PTPRD: variants seen among roughly 807,000 people sequenced by gnomAD.
The protein encoded by PTPRD is receptor-type tyrosine-protein phosphatase delta.
Under a neutral mutation model 214.5 loss-of-function variants are expected in PTPRD, and 34 were observed. The ratio of observed to expected loss-of-function variants is 0.16; its 90% CI spans 0.12 to 0.21. PTPRD has a LOEUF of 0.21. Ranked by LOEUF, PTPRD falls within the 10% of genes least tolerant of loss-of-function variation. The pLI, the probability that PTPRD is intolerant of heterozygous loss-of-function variation, is 1.00. For synonymous variants in PTPRD, 1,128 were observed against 845.7 expected (o/e 1.33, Z -5.79); for missense variants, 2,545 against 2,398.7 (o/e 1.06, Z -1.27).
At chr9:8,621,794 G>A (rs932565715) in intron 14 of PTPRD, among the ~76,000 whole-genome samples, 1 of 151,794 alleles carries the variant, frequency 6.6e-6, no homozygotes, top group Admixed American at 6.6e-5. Context: ...AAGTTATAAT[G>A]ACATGCATAA....
rs184838724 is a variant in PTPRD, at chr9:8,622,484, T to C, written c.352+10833A>G. ...AATTACTGTGAGAGCACTTTTCTTCTAAAAATAGACTTTATTATCTCCAAC... is the reference window on the plus strand; with the variant it reads ...AATTACTGTGAGAGCACTTTTCTTCCAAAAATAGACTTTATTATCTCCAAC... On this transcript the variant is annotated intron_variant, in intron 14 of 45. Coordinates refer to ENST00000381196, the MANE Select transcript of PTPRD (RefSeq NM_002839.4). Among the ~76,000 whole-genome samples the C allele has an allele frequency of 4.6e-5, 7 of 152,110 alleles. No homozygotes were observed. In the East Asian group the frequency reaches 9.7e-4, roughly 21 times the overall value.
chr9:9,692,593 T>C (rs1386072722), intron 7 of PTPRD, among the ~76,000 whole-genome samples: 1 of 151,988 alleles, frequency 6.6e-6, no homozygotes, highest in Non-Finnish European at 1.5e-5. Flanking sequence ...TTGCTCAGCA[T>C]AGCTTGGCTA....
intron 5 of PTPRD, among the ~76,000 whole-genome samples, chr9:9,864,467 G>C (rs965330100): frequency 7.2e-5 from 11 of 152,142 alleles, no homozygotes; most frequent in African/African-American, 2.7e-4. Context: ...CAGAAATACA[G>C]AAAACACTAA....
chr9:9,458,704 G>T (rs1418041604), intron 8 of PTPRD, among the ~76,000 whole-genome samples: 1 of 152,066 alleles, frequency 6.6e-6, no homozygotes, highest in African/African-American at 2.4e-5. Context: ...ACTTTGGGAG[G>T]TCAAGGTAGG....
chr9:9,598,342 T>A (rs771726804), intron 7 of PTPRD, among the ~76,000 whole-genome samples: 1 of 151,880 alleles, frequency 6.6e-6, no homozygotes, highest in Non-Finnish European at 1.5e-5. Flanking sequence ...GGATGTCGAG[T>A]AGGAGAGGGC....
At chr9:10,160,478 C>A (rs1396032468) in intron 3 of PTPRD, among the ~76,000 whole-genome samples, 2 of 151,770 alleles carry the variant, frequency 1.3e-5, no homozygotes, top group African/African-American at 4.8e-5. Context: ...GAACAAAAAC[C>A]ATATGGTTAT....
At chr9:10,418,058 A>T (rs1441301732) in intron 2 of PTPRD, among the ~76,000 whole-genome samples, 1 of 151,900 alleles carries the variant, frequency 6.6e-6, no homozygotes, top group Non-Finnish European at 1.5e-5. Context: ...AAGACAAACG[A>T]TTAAGTAATT....
At chr9:9,910,393 T>A (rs1203613960) in intron 5 of PTPRD, among the ~76,000 whole-genome samples, 1 of 151,994 alleles carries the variant, frequency 6.6e-6, no homozygotes, top group African/African-American at 2.4e-5. Flanking sequence ...AACATCTGTA[T>A]ACGAGTATGC....
chr9:8,826,783 A>G (rs10119815), intron 11 of PTPRD, among the ~76,000 whole-genome samples: 86,383 of 151,188 alleles, frequency 0.57, 25,514 homozygotes, highest in African/African-American at 0.73. Context: ...ATGATGCCTG[A>G]CAAACAGAAG....
intron 5 of PTPRD, among the ~76,000 whole-genome samples, chr9:9,844,276 C>T (rs1256273590): frequency 6.6e-6 from 1 of 151,902 alleles, no homozygotes; most frequent in Non-Finnish European, 1.5e-5. Context: ...CAAACACATC[C>T]ATCATCACCC....
chr9:8,583,981 A>G (rs2093416396), intron 14 of PTPRD, among the ~76,000 whole-genome samples: 1 of 152,044 alleles, frequency 6.6e-6, no homozygotes, highest in African/African-American at 2.4e-5. Flanking sequence ...ACAAAACCCC[A>G]TCTCTACAAA....
intron 8 of PTPRD, among the ~76,000 whole-genome samples, chr9:9,562,407 A>G (rs955117261): frequency 1.3e-5 from 2 of 152,168 alleles, no homozygotes; most frequent in Admixed American, 6.5e-5. Flanking sequence ...CTTTAAGACC[A>G]TACCCTATTT....
At chr9:9,253,444 A>T (rs2099976295) in intron 9 of PTPRD, among the ~76,000 whole-genome samples, 1 of 152,064 alleles carries the variant, frequency 6.6e-6, no homozygotes. Context: ...TACTAACAAA[A>T]GTTGGCATAT....
chr9:9,798,170 G>C (rs550233268), intron 5 of PTPRD, among the ~76,000 whole-genome samples: 1 of 151,920 alleles, frequency 6.6e-6, no homozygotes, highest in African/African-American at 2.4e-5. Flanking sequence ...TAAATACTAT[G>C]TTATTTTCTT....
intron 4 of PTPRD, among the ~76,000 whole-genome samples, chr9:9,975,958 G>C (rs1232298887): frequency 6.6e-6 from 1 of 152,166 alleles, no homozygotes; most frequent in Non-Finnish European, 1.5e-5. Flanking sequence ...AACTAGACCT[G>C]AAAAGCAGTA....
intron 39 of PTPRD, 100 bp from the exon 40 acceptor site, chr9:8,342,078 C>T (rs939587678): frequency 1.6e-5 from 20 of 1,213,980 alleles, no homozygotes; most frequent in Middle Eastern, 2.8e-4. Context: ...ACCTTACATC[C>T]ATTACTTCTA....
chr9:10,127,206 G>A (rs997830911), intron 3 of PTPRD, among the ~76,000 whole-genome samples: 1 of 152,120 alleles, frequency 6.6e-6, no homozygotes, highest in Non-Finnish European at 1.5e-5. Context: ...TCAGGTAGTA[G>A]TGGGACCACT....
intron 7 of PTPRD, among the ~76,000 whole-genome samples, chr9:9,731,085 A>G (rs946299319): frequency 2.0e-5 from 3 of 152,182 alleles, no homozygotes; most frequent in African/African-American, 7.2e-5. Flanking sequence ...AAATGCTGCA[A>G]TAAGATTTTC....
chr9:10,117,613 T>A (rs1232226138), intron 3 of PTPRD, among the ~76,000 whole-genome samples: 1 of 8,728 alleles, frequency 1.1e-4, no homozygotes, highest in Non-Finnish European at 2.7e-4. Context: ...AATCTCCCCG[T>A]TTTTTTTTTT....
Sources: allele counts gnomAD v4.1 joint callset (sites outside exome capture counted in the v4.1 genomes callset), GRCh38; gene constraint gnomAD v4.1.1; transcripts MANE v1.5; gene names NCBI Gene and HGNC (gene_info 2026-07-23, HGNC 2026-07-21).